Variants in PTPRZ1 observed in about 807,000 individuals in gnomAD.
PTPRZ1 encodes receptor-type tyrosine-protein phosphatase zeta.
A neutral mutation model predicts 214.1 loss-of-function variants in PTPRZ1; 82 were observed. The observed-to-expected ratio is 0.38, with a 90% CI of 0.32 to 0.46. The LOEUF (loss-of-function observed/expected upper bound fraction) is 0.46, where lower values mean the gene tolerates loss of function less well. Ranked by LOEUF, PTPRZ1 falls within the 20% of genes least tolerant of loss-of-function variation. The pLI, the probability that PTPRZ1 is intolerant of heterozygous loss-of-function variation, is 1.00. For synonymous variants in PTPRZ1, 945 were observed against 987.9 expected, an observed-to-expected ratio of 0.96 and a Z score of 0.81; for missense variants, 2,603 against 2,748.7, an observed-to-expected ratio of 0.95 and a Z score of 1.19.
intron 1 of PTPRZ1, among the ~76,000 whole-genome samples, chr7:121,903,089 G>A (rs1163377283): frequency 6.6e-6 from 1 of 152,122 alleles, no homozygotes; most frequent in African/African-American, 2.4e-5. Context: ...TGGGAATATA[G>A]AGGAGAACAA....
At chr7:122,024,245 T>G (rs1359971436) in intron 13 of PTPRZ1, among the ~76,000 whole-genome samples, 2 of 152,144 alleles carry the variant, frequency 1.3e-5, no homozygotes, top group African/African-American at 2.4e-5. Context: ...TTCAAAAGTT[T>G]TTTTTTTTTT....
chr7:121,896,858 G>A (rs1473844064), intron 1 of PTPRZ1, among the ~76,000 whole-genome samples: 1 of 151,960 alleles, frequency 6.6e-6, no homozygotes, highest in Non-Finnish European at 1.5e-5. Context: ...GATTCCACTT[G>A]TATAGATTAG....
intron 20 of PTPRZ1, 148 bp from the exon 21 acceptor site, chr7:122,040,668 C>A (rs527773294): frequency 3.8e-6 from 2 of 522,590 alleles, no homozygotes; most frequent in African/African-American, 3.8e-5. Flanking sequence ...TACTTTCTTT[C>A]ATTCATTATG....
At chr7:121,940,485 A>G (rs1796207934) in intron 2 of PTPRZ1, among the ~76,000 whole-genome samples, 1 of 152,124 alleles carries the variant, frequency 6.6e-6, no homozygotes, top group African/African-American at 2.4e-5. Flanking sequence ...TGGGAATACA[A>G]GCTCCAGAGA....
Position 122,031,512 on chromosome 7 carries a change from C to T in PTPRZ1, c.5119C>T (p.His1707Tyr). 6.2e-7 allele frequency: 1 copy of T among 1,611,268 alleles called. No homozygotes were observed. ...GAIPIKHFPKHVADLHASSGF... is the reference protein window; with the variant it reads ...GAIPIKHFPKYVADLHASSGF... The stretch of plus-strand genomic sequence containing the variant: ...AATTCCAATAAAGCACTTTCCAAAG[C>T]ATGTTGCAGATTTACATGCAAGTAG... Residue 1707 changes from histidine (H) to tyrosine (Y), a missense_variant, in exon 15 of 30, where the codon CAT (histidine) becomes TAT (tyrosine). Coordinates refer to ENST00000393386, the MANE Select transcript of PTPRZ1 (RefSeq NM_002851.3).
intron 1 of PTPRZ1, among the ~76,000 whole-genome samples, chr7:121,898,259 T>TA (rs1554426302): frequency 1.1e-5 from 1 of 90,538 alleles, no homozygotes; most frequent in Admixed American, 9.8e-5. Context: ...AATAATGTGA[T>TA]GGGTTTTTTT....
At chr7:122,000,032 GT>G (rs1370800108) in intron 10 of PTPRZ1, among the ~76,000 whole-genome samples, 1 of 152,074 alleles carries the variant, frequency 6.6e-6, no homozygotes, top group African/African-American at 2.4e-5. Flanking sequence ...GTAATGATGT[GT>G]TAGTAAAAGA....
chr7:121,984,831 A>G (rs1345273374), intron 8 of PTPRZ1, among the ~76,000 whole-genome samples: 2 of 151,744 alleles, frequency 1.3e-5, no homozygotes, highest in East Asian at 3.9e-4. Flanking sequence ...TTAAATGTCC[A>G]GAGAACACAA....
chr7:122,060,935 G>A, intron 29 of PTPRZ1, 145 bp from the exon 30 acceptor site: 3 of 585,006 alleles, frequency 5.1e-6, no homozygotes, highest in East Asian at 6.6e-5. Context: ...TATAGGTTGT[G>A]TGCATCTGCT....
intron 1 of PTPRZ1, among the ~76,000 whole-genome samples, chr7:121,922,003 C>T (rs1224133322): frequency 2.0e-5 from 3 of 152,120 alleles, no homozygotes; most frequent in African/African-American, 7.2e-5. Flanking sequence ...TTTAACTTCA[C>T]AGCAAGCCAA....
chr7:121,976,196 G>A lies in PTPRZ1; in HGVS notation c.480G>A (p.Ala160=), dbSNP rs4629793. The change falls in exon 5 of 30, where the codon GCG becomes GCA. Residue 160 remains alanine (A), a synonymous_variant. Transcript: ENST00000393386. ...AGATGCAAATCTACTGCTTTGATGC[G>A]GACCGATTTTCAAGTTTTGAGGAAG... is the stretch of plus-strand genomic sequence containing the variant. ...PLEMQIYCFD[A]DRFSSFEEAV... The A allele has an allele frequency of 0.39, 627,167 of 1,601,840 alleles. 128,260 individuals are homozygous for A. The highest frequency in any genetic ancestry group is 0.42 in the Middle Eastern group (2,295 of 5,424).
chr7:121,968,648 A>T (rs28361469), intron 3 of PTPRZ1, among the ~76,000 whole-genome samples: 12,921 of 78,550 alleles, frequency 0.16, 744 homozygotes, highest in African/African-American at 0.2. Context: ...TTTTTTTTTT[A>T]AAAAAAAGCA....
chr7:121,880,902 G>T lies in PTPRZ1; in HGVS notation c.58+7345G>T, dbSNP rs564455841. Among the ~76,000 whole-genome samples the T allele has an allele frequency of 7.2e-5, 11 of 152,290 alleles. No homozygotes were observed. In the South Asian group the frequency reaches 2.1e-3, roughly 29 times the overall value. On this transcript the variant is annotated intron_variant, in intron 1 of 29. Transcript: ENST00000393386. ...GCATAAGGATACCCTTGAGGAGCATGTGGGATATTATTGTCATGTGTGTTT... is the reference window on the plus strand; with the variant it reads ...GCATAAGGATACCCTTGAGGAGCATTTGGGATATTATTGTCATGTGTGTTT...
At chr7:121,941,532 C>G (rs922274044) in intron 2 of PTPRZ1, among the ~76,000 whole-genome samples, 1 of 152,158 alleles carries the variant, frequency 6.6e-6, no homozygotes, top group Non-Finnish European at 1.5e-5. Context: ...TGCAAGTGCC[C>G]TTTATTTTCA....
At chr7:121,992,464 C>G (rs193206327) in intron 8 of PTPRZ1, among the ~76,000 whole-genome samples, 1 of 152,308 alleles carries the variant, frequency 6.6e-6, no homozygotes, top group East Asian at 1.9e-4. Context: ...TAGGTGTTCA[C>G]TCTTCATTTA....
chr7:121,968,976 G>A (rs577535896), intron 3 of PTPRZ1, among the ~76,000 whole-genome samples: 6 of 152,248 alleles, frequency 3.9e-5, no homozygotes, highest in South Asian at 2.1e-4. Context: ...TGTGGCTCAC[G>A]CCTGTGATCC....
chr7:122,040,833 A>G lies in PTPRZ1; in HGVS notation c.5655A>G (p.Arg1885=). ...TTTTCCAGGGCTCCCAGAAAGGAAG[A>G]CCCAGTGGACGTGTGGTCACACAGT... ...TKIKKGSQKG[R]PSGRVVTQYH... The change falls in exon 21 of 30, where the codon AGA becomes AGG. Residue 1885 remains arginine (R), a synonymous_variant. Coordinates refer to ENST00000393386, the MANE Select transcript of PTPRZ1 (RefSeq NM_002851.3). 1.3e-6 allele frequency: 2 copies of G among 1,569,056 alleles called. No individual in the cohort carries two copies. Among genetic ancestry groups the G allele is most frequent in the Non-Finnish European group, 1.7e-6 (2 of 1,152,790 alleles).
chr7:121,955,841 A>G (rs2116471176), intron 2 of PTPRZ1, among the ~76,000 whole-genome samples: 1 of 152,248 alleles, frequency 6.6e-6, no homozygotes, highest in Non-Finnish European at 1.5e-5. Context: ...AGTTTGTTAA[A>G]TTTTATCTGC....
Position 122,046,218 on chromosome 7 carries a change from C to G in PTPRZ1, c.6084+1650C>G, listed in dbSNP as rs1037515269. 2.6e-5 allele frequency among the ~76,000 whole-genome samples: 4 copies of G among 151,988 alleles called. 1 individual carries two copies. The highest frequency in any genetic ancestry group is 2.6e-4 in the Admixed American group (4 of 15,234). Reference sequence around the variant, plus strand: ...GGGGACCATGGTCAAGAATTTGAGACCAGCTTGGGCAACAGAGCAAGACCC... The same window carrying G: ...GGGGACCATGGTCAAGAATTTGAGAGCAGCTTGGGCAACAGAGCAAGACCC... On this transcript the variant is annotated intron_variant, in intron 23 of 29. Transcript: ENST00000393386.
Sources: allele counts gnomAD v4.1 joint callset (sites outside exome capture counted in the v4.1 genomes callset), GRCh38; gene constraint gnomAD v4.1.1; transcripts MANE v1.5; gene names NCBI Gene and HGNC (gene_info 2026-07-23, HGNC 2026-07-21).